Variants in MIB1 observed in about 807,000 individuals in gnomAD.
The protein encoded by MIB1 is E3 ubiquitin-protein ligase MIB1.
Under a neutral mutation model 124.5 loss-of-function variants are expected in MIB1, and 278 were observed. The observed-to-expected ratio is 2.23, with a 90% CI of 2.02 to 2.47. MIB1 has a LOEUF of 2.47. MIB1 is among the 30% of genes most tolerant of loss of function. The pLI is 0.00. For synonymous variants in MIB1, 446 were observed against 429.4 expected, an observed-to-expected ratio of 1.04 and a Z score of -0.48; for missense variants, 957 against 1,254.4, an observed-to-expected ratio of 0.76 and a Z score of 3.58.
intron 12 of MIB1, chr18:21,826,899 T>C (rs2041929123): frequency 6.6e-6 from 1 of 152,126 alleles, no homozygotes; most frequent in Non-Finnish European, 1.5e-5. Flanking sequence ...TTAACTACAA[T>C]TCTTTTTCAT....
At chr18:21,860,189 C>T (rs889036415) in intron 20 of MIB1, among the ~76,000 whole-genome samples, 8 of 137,440 alleles carry the variant, frequency 5.8e-5, no homozygotes, top group African/African-American at 2.2e-4. Context: ...AAACCTCTGC[C>T]TCCCAGATTC....
chr18:21,782,399 A>G (rs1244722206), intron 6 of MIB1, among the ~76,000 whole-genome samples: 6 of 152,232 alleles, frequency 3.9e-5, no homozygotes, highest in Admixed American at 3.3e-4. Flanking sequence ...CTGGGATTAT[A>G]GGCATGAACC....
chr18:21,714,210 C>T (rs2040678572), intron 1 of MIB1, among the ~76,000 whole-genome samples: 1 of 152,174 alleles, frequency 6.6e-6, no homozygotes, highest in African/African-American at 2.4e-5. Context: ...GGTGCCTCCT[C>T]CTCCTCCCTG....
At chr18:21,733,227 C>A (rs1222361111) in intron 1 of MIB1, among the ~76,000 whole-genome samples, 1 of 152,114 alleles carries the variant, frequency 6.6e-6, no homozygotes, top group African/African-American at 2.4e-5. Context: ...GTTTTGGCAC[C>A]CATTCAGTAG....
Position 21,870,382 on chromosome 18 carries a change from A to G in MIB1, c.*5716A>G, listed in dbSNP as rs933766831. ...GAAGGCTCTCATTGCAGTTGTTTAC[A>G]GTTAAGGTACCTCTATCTAAAGGGC... On this transcript the variant is annotated 3_prime_UTR_variant, in exon 21 of 21. Transcript: ENST00000261537. 37 of 152,190 alleles carry G rather than the reference A, an allele frequency of 2.4e-4. No individual in the cohort carries two copies. The highest frequency in any genetic ancestry group is 8.4e-4 in the African/African-American group (35 of 41,468). The allele number at this position is 152,190 out of a possible 1,614,324, so 9.4% of individuals were successfully genotyped here.
intron 18 of MIB1, 84 bp from the exon 19 acceptor site, chr18:21,857,046 T>C: frequency 1.2e-6 from 1 of 861,442 alleles, no homozygotes; most frequent in East Asian, 2.5e-5. Flanking sequence ...AGTGTGAAAT[T>C]TAAGTCATAA....
At chr18:21,861,606 T>C (rs1248741921) in intron 20 of MIB1, among the ~76,000 whole-genome samples, 4 of 150,306 alleles carry the variant, frequency 2.7e-5, no homozygotes, top group African/African-American at 9.8e-5. Context: ...ACTCATCTTA[T>C]GAGGAATGAT....
intron 12 of MIB1, chr18:21,828,862 T>C: frequency 3.3e-6 from 1 of 302,186 alleles, no homozygotes; most frequent in Non-Finnish European, 6.6e-6. Flanking sequence ...CTATCAGTAG[T>C]AGATAACCTT....
chr18:21,762,669 A>C (rs2041111382), intron 1 of MIB1, among the ~76,000 whole-genome samples: 1 of 152,194 alleles, frequency 6.6e-6, no homozygotes, highest in Non-Finnish European at 1.5e-5. Context: ...CATGTATGCC[A>C]CTTTAAACTA....
intron 10 of MIB1, among the ~76,000 whole-genome samples, chr18:21,811,082 A>G (rs968828410): frequency 3.3e-5 from 5 of 152,168 alleles, no homozygotes; most frequent in African/African-American, 1.2e-4. Flanking sequence ...CATTTCTGCA[A>G]AGAATATGTA....
At chr18:21,753,182 C>T (rs1260685988) in intron 1 of MIB1, among the ~76,000 whole-genome samples, 1 of 151,916 alleles carries the variant, frequency 6.6e-6, no homozygotes, top group African/African-American at 2.4e-5. Context: ...TCAAAATATT[C>T]TTTATTTTTA....
intron 12 of MIB1, chr18:21,831,282 T>C (rs2041979413): frequency 6.7e-6 from 1 of 148,214 alleles, no homozygotes; most frequent in Non-Finnish European, 1.5e-5. Context: ...TTTTGGTTTT[T>C]AGTTTCCAGG....
chr18:21,751,441 A>G (rs1276758486), intron 1 of MIB1, among the ~76,000 whole-genome samples: 1 of 152,044 alleles, frequency 6.6e-6, no homozygotes, highest in South Asian at 2.1e-4. Flanking sequence ...TTGTATTTTT[A>G]GTAGAGATGG....
At chr18:21,789,892 T>C (rs1025869704) in intron 6 of MIB1, among the ~76,000 whole-genome samples, 1 of 152,220 alleles carries the variant, frequency 6.6e-6, no homozygotes, top group Non-Finnish European at 1.5e-5. Context: ...ATGCCAATAT[T>C]GTAGAAACTT....
At chr18:21,777,355 GGTTGCAGTGA>G (rs1354872314) in intron 4 of MIB1, among the ~76,000 whole-genome samples, 2 of 151,980 alleles carry the variant, frequency 1.3e-5, no homozygotes, top group East Asian at 3.9e-4. Flanking sequence ...AGGAGGCGGA[GGTTGCAGTGA>G]GTCACTTTAC....
intron 9 of MIB1, among the ~76,000 whole-genome samples, chr18:21,801,139 T>C (rs978292655): frequency 2.6e-5 from 4 of 152,172 alleles, no homozygotes; most frequent in Non-Finnish European, 5.9e-5. Context: ...CTTAGCTGGC[T>C]GATAGCCTTC....
chr18:21,830,519 A>T (rs1310777941), intron 12 of MIB1: 10 of 152,194 alleles, frequency 6.6e-5, no homozygotes, highest in African/African-American at 2.4e-4. Context: ...GTTAGATAGA[A>T]TTTAATTTAA....
intron 13 of MIB1, 82 bp downstream of exon 13, chr18:21,838,579 T>A: frequency 8.6e-7 from 1 of 1,166,424 alleles, no homozygotes; most frequent in Non-Finnish European, 1.2e-6. Context: ...TATTTATTGC[T>A]TTATAAATTG....
intron 13 of MIB1, among the ~76,000 whole-genome samples, chr18:21,839,675 A>T (rs777843554): frequency 3.1e-4 from 47 of 151,554 alleles, no homozygotes; most frequent in African/African-American, 1.1e-3. Context: ...TTATTTATTT[A>T]TTTTTTCTGT....
Sources: allele counts gnomAD v4.1 joint callset (sites outside exome capture counted in the v4.1 genomes callset), GRCh38; gene constraint gnomAD v4.1.1; transcripts MANE v1.5; gene names NCBI Gene and HGNC (gene_info 2026-07-23, HGNC 2026-07-21).